HFM1: variants seen among roughly 807,000 people sequenced by gnomAD.
HFM1 encodes helicase for meiosis 1.
Under a neutral mutation model 192.1 loss-of-function variants are expected in HFM1, and 169 were observed. The observed-to-expected ratio is 0.88, with a 90% CI of 0.78 to 1.00. The LOEUF is 1.00. Among genes scored for constraint, HFM1 ranks in the 50% least tolerant of loss-of-function variants. The probability of loss-of-function intolerance (pLI) is 0.00; values close to 1 mark genes in which losing one functional copy is unlikely to be tolerated. For synonymous variants in HFM1, 525 were observed against 537.8 expected (o/e 0.98, Z 0.33); for missense variants, 1,661 against 1,668.0 (o/e 1.00, Z 0.07).
At chr1:91,364,634 T>A (rs199885403) in intron 13 of HFM1, among the ~76,000 whole-genome samples, 69 of 92,994 alleles carry the variant, frequency 7.4e-4, no homozygotes, top group African/African-American at 2.8e-3. Context: ...ATATATATAT[T>A]TTTTTTTTTT....
rs1557881102 is a variant in HFM1 at position 91,343,433 on chromosome 1, T to C, written c.2332A>G (p.Thr778Ala). 5.2e-6 allele frequency: 7 copies of C among 1,355,768 alleles called. No individual in the cohort carries two copies. Among genetic ancestry groups the C allele is most frequent in the South Asian group, 4.2e-5 (3 of 72,098 alleles). The allele number at this position is 1,355,768 out of a possible 1,614,324, so 84.0% of individuals were successfully genotyped here. ...ACTGACAATGATAAGAAATTACCAG[T>C]TGGTTTGAAATTAACACCTTCATCC... is the stretch of plus-strand genomic sequence containing the variant. ...KMDEGVNFKPTEAGRLMAWYY... is the reference protein window; with the variant it reads ...KMDEGVNFKPAEAGRLMAWYY... The change falls in exon 20 of 39, where the codon ACT becomes GCT. Residue 778 changes from threonine to alanine, a missense_variant. Thr to Ala is a moderately conservative substitution (Grantham distance 58). Coordinates refer to ENST00000370425, the MANE Select transcript of HFM1 (RefSeq NM_001017975.6).
At chr1:91,261,464 A>C in intron 38 of HFM1, 105 bp from the exon 39 acceptor site, 1 of 487,250 alleles carries the variant, frequency 2.1e-6, no homozygotes, top group Non-Finnish European at 3.4e-6. Context: ...AAACTTGAAG[A>C]TTGCTATGAA....
chr1:91,277,163 C>T, intron 30 of HFM1, 101 bp from the exon 31 acceptor site: 5 of 590,598 alleles, frequency 8.5e-6, no homozygotes, highest in South Asian at 5.8e-5. Flanking sequence ...TCAGACAATA[C>T]AAAAATATTG....
chr1:91,308,343 T>C (rs1398160222), intron 30 of HFM1, among the ~76,000 whole-genome samples: 2 of 152,144 alleles, frequency 1.3e-5, no homozygotes, highest in Non-Finnish European at 2.9e-5. Flanking sequence ...ACAAATCCTA[T>C]ATTTGGTTAT....
At position 91,316,173 on chromosome 1, in the gene HFM1, T is replaced by C; in HGVS notation, c.2910A>G (p.Arg970=). The C allele has an allele frequency of 3.2e-6, 5 of 1,570,248 alleles. No individual in the cohort carries two copies. The highest frequency in any genetic ancestry group is 3.5e-6 in the Non-Finnish European group (4 of 1,151,558). The change falls in exon 27 of 39, where the codon AGA becomes AGG. Residue 970 remains arginine (R), a synonymous_variant. Transcript: ENST00000370425. ...TTATCTGGGTTCCAAAGGGGGGATG[T>C]CTGTTTAAAATCTAAAAATATTTAC... ...DARELELILN[R]HPPFGTQIKE...
At chr1:91,395,741 G>A (rs1239180917) in intron 3 of HFM1, among the ~76,000 whole-genome samples, 1 of 152,018 alleles carries the variant, frequency 6.6e-6, no homozygotes, top group African/African-American at 2.4e-5. Flanking sequence ...TTTGATACAT[G>A]CATATACAAT....
upstream of HFM1, among the ~76,000 whole-genome samples, chr1:91,406,631 T>C (rs1664824354): frequency 6.6e-6 from 1 of 152,226 alleles, no homozygotes; most frequent in Admixed American, 6.5e-5. Flanking sequence ...ATCCTAAAGA[T>C]TTAATTTTAC....
At chr1:91,366,304 T>A (rs1039616180) in intron 13 of HFM1, among the ~76,000 whole-genome samples, 1 of 152,202 alleles carries the variant, frequency 6.6e-6, no homozygotes, top group African/African-American at 2.4e-5. Context: ...TATTTCTATG[T>A]GAATCATGCT....
At chr1:91,293,633 C>G (rs866351636) in intron 30 of HFM1, among the ~76,000 whole-genome samples, 158 of 151,476 alleles carry the variant, frequency 1.0e-3, no homozygotes, top group South Asian at 9.2e-3. Context: ...TTGTGGAAGT[C>G]AGTGTGGCGA....
chr1:91,268,162 T>A (rs1665941005), intron 34 of HFM1, among the ~76,000 whole-genome samples: 1 of 152,066 alleles, frequency 6.6e-6, no homozygotes, highest in Non-Finnish European at 1.5e-5. Flanking sequence ...ATTAACTGTA[T>A]AAAGTTGCAC....
At chr1:91,287,788 C>A (rs941602452) in intron 30 of HFM1, among the ~76,000 whole-genome samples, 8 of 151,572 alleles carry the variant, frequency 5.3e-5, no homozygotes, top group African/African-American at 1.9e-4. Context: ...GAATGTATAA[C>A]TAGAATAACC....
intron 20 of HFM1, among the ~76,000 whole-genome samples, chr1:91,338,230 G>A (rs1654849093): frequency 6.6e-6 from 1 of 152,320 alleles, no homozygotes; most frequent in South Asian, 2.1e-4. Context: ...TCCACCCTGT[G>A]TGGAGCCCAA....
At chr1:91,321,693 T>A (rs766740069) in intron 23 of HFM1, among the ~76,000 whole-genome samples, 7 of 152,166 alleles carry the variant, frequency 4.6e-5, no homozygotes, top group Non-Finnish European at 8.8e-5. Context: ...TTCTTGGTTA[T>A]GCTTAAATAA....
chr1:91,341,835 C>G (rs1001847360), intron 20 of HFM1, among the ~76,000 whole-genome samples: 1 of 150,956 alleles, frequency 6.6e-6, no homozygotes, highest in African/African-American at 2.4e-5. Context: ...ACTAGAAAAC[C>G]TAGAAGAAAT....
intron 36 of HFM1, among the ~76,000 whole-genome samples, chr1:91,264,530 G>A (rs1452672629): frequency 6.7e-6 from 1 of 148,600 alleles, no homozygotes; most frequent in East Asian, 2.0e-4. Context: ...CCGCCATCAC[G>A]CCCGGCTAAT....
intron 20 of HFM1, 135 bp from the exon 21 acceptor site, chr1:91,324,901 C>CA: frequency 1.5e-6 from 1 of 661,092 alleles, no homozygotes; most frequent in Non-Finnish European, 2.7e-6. Context: ...GTCCTCACTG[C>CA]AGGAACACCA....
intron 30 of HFM1, among the ~76,000 whole-genome samples, chr1:91,302,318 C>T (rs939591999): frequency 6.6e-6 from 1 of 151,904 alleles, no homozygotes. Context: ...AATAGGAACA[C>T]TTTTACGCTG....
chr1:91,342,963 C>G (rs1023107339), intron 20 of HFM1, among the ~76,000 whole-genome samples: 3 of 152,062 alleles, frequency 2.0e-5, no homozygotes, highest in Non-Finnish European at 4.4e-5. Flanking sequence ...CACGGTGGCT[C>G]AAGCCTGTAA....
intron 20 of HFM1, among the ~76,000 whole-genome samples, chr1:91,342,098 A>C (rs1240969649): frequency 1.5e-5 from 2 of 135,748 alleles, no homozygotes; most frequent in Non-Finnish European, 3.1e-5. Context: ...TGAGGCCAGC[A>C]TCATTCTGAT....
Sources: allele counts gnomAD v4.1 joint callset (sites outside exome capture counted in the v4.1 genomes callset), GRCh38; gene constraint gnomAD v4.1.1; transcripts MANE v1.5; gene names NCBI Gene and HGNC (gene_info 2026-07-23, HGNC 2026-07-21).